SOX5: variants seen among roughly 807,000 people sequenced by gnomAD.
SOX5 encodes SRY-box transcription factor 5.
A neutral mutation model predicts 92.0 loss-of-function variants in SOX5; 9 were observed. The observed-to-expected ratio is 0.10, with a 90% CI of 0.06 to 0.17. SOX5 has a LOEUF of 0.17. Among genes scored for constraint, SOX5 ranks in the 10% least tolerant of loss-of-function variants. The pLI, the probability that SOX5 is intolerant of heterozygous loss-of-function variation, is 1.00. For missense variants in SOX5, 642 were observed against 944.5 expected (o/e 0.68, Z 4.20); for synonymous variants, 344 against 336.3 (o/e 1.02, Z -0.25).
chr12:23,822,091 T>G (rs893651049), intron 3 of SOX5, among the ~76,000 whole-genome samples: 19 of 152,150 alleles, frequency 1.2e-4, no homozygotes, highest in African/African-American at 4.6e-4. Context: ...GATTCATTGA[T>G]TTTTTGAAGG....
chr12:24,376,689 C>CTTTTTTTTTTTTTTTTTTTTTTTTTTT lies in SOX5; in HGVS notation c.-250-8051_-250-8050insAAAAAAAAAAAAAAAAAAAAAAAAAAA, dbSNP rs1480014070. Reference sequence around the variant, plus strand: ...TCAGAATGATGCTATGGGAGAGATACCTTTTTTTTTTTTTTTTTTTTTTTT... The same window carrying CTTTTTTTTTTTTTTTTTTTTTTTTTTT: ...TCAGAATGATGCTATGGGAGAGATACTTTTTTTTTTTTTTTTTTTTTTTTTTTCTTTTTTTTTTTTTTTTTTTTTTTT... On this transcript the variant is annotated intron_variant, in intron 1 of 4. Transcript: ENST00000446891. Among the ~76,000 whole-genome samples the CTTTTTTTTTTTTTTTTTTTTTTTTTTT allele has an allele frequency of 3.2e-5, 3 of 93,084 alleles. 1 individual carries two copies. The highest frequency in any genetic ancestry group is 4.2e-5 in the Non-Finnish European group (2 of 48,070). The allele number at this position is 93,084 out of a possible 152,430, so 61.1% of individuals were successfully genotyped here. A position where few individuals can be genotyped will look rare whatever the true frequency, so the allele number is the denominator to read the frequency against.
chr12:24,000,332 G>T (rs1346542451), intron 4 of SOX5, among the ~76,000 whole-genome samples: 1 of 151,654 alleles, frequency 6.6e-6, no homozygotes, highest in East Asian at 1.9e-4. Context: ...GTTTTAACAG[G>T]TATAAGATTG....
At chr12:23,678,540 T>G (rs529560303) in intron 6 of SOX5, among the ~76,000 whole-genome samples, 1 of 152,276 alleles carries the variant, frequency 6.6e-6, no homozygotes, top group South Asian at 2.1e-4. Context: ...ACGGACAACA[T>G]GAATTCTTTC....
At chr12:24,349,557 C>A (rs1466138747) in intron 2 of SOX5, among the ~76,000 whole-genome samples, 1 of 152,166 alleles carries the variant, frequency 6.6e-6, no homozygotes, top group East Asian at 1.9e-4. Flanking sequence ...ACTAGCTTAT[C>A]TGACTTAGCA....
In SOX5 at chr12:23,634,561, C is replaced by T. The variant is rs191637558; in HGVS notation, c.1017+6251G>A. On this transcript the variant is annotated intron_variant, in intron 8 of 14. Transcript: ENST00000451604. Reference sequence around the variant, plus strand: ...GGGCCAGAAAACAGCCTAATGTATCCGGAATAGACTGAGTAGGTGATGTGG... The same window carrying T: ...GGGCCAGAAAACAGCCTAATGTATCTGGAATAGACTGAGTAGGTGATGTGG... Among the ~76,000 whole-genome samples the T allele has an allele frequency of 3.0e-4, 46 of 152,062 alleles. No individual in the cohort carries two copies. The East Asian group carries it at 5.4e-3, about 18-fold the overall frequency.
intron 3 of SOX5, among the ~76,000 whole-genome samples, chr12:24,270,474 CA>C (rs1463629912): frequency 6.6e-6 from 1 of 152,088 alleles, no homozygotes; most frequent in Admixed American, 6.5e-5. Context: ...TAAAACACCA[CA>C]AAAAAATTAA....
At chr12:24,469,492 C>G (rs991568268) in intron 1 of SOX5, among the ~76,000 whole-genome samples, 1 of 152,118 alleles carries the variant, frequency 6.6e-6, no homozygotes, top group African/African-American at 2.4e-5. Flanking sequence ...CCTTTTGTAT[C>G]TATGTTCTAT....
intron 1 of SOX5, among the ~76,000 whole-genome samples, chr12:24,524,546 TA>T (rs1214807371): frequency 1.3e-5 from 2 of 152,088 alleles, no homozygotes; most frequent in African/African-American, 4.8e-5. Context: ...GCTAAAAATT[TA>T]AATATACAGG....
intron 1 of SOX5, among the ~76,000 whole-genome samples, chr12:23,899,055 C>A (rs1188312718): frequency 6.6e-6 from 1 of 152,064 alleles, no homozygotes; most frequent in Non-Finnish European, 1.5e-5. Flanking sequence ...ACATTAGATT[C>A]TTAAATTTTT....
intron 2 of SOX5, among the ~76,000 whole-genome samples, chr12:24,307,790 A>AGGAG (rs1565874794): frequency 1.4e-5 from 2 of 143,302 alleles, no homozygotes; most frequent in Non-Finnish European, 3.1e-5. Context: ...GAAGGAAGGA[A>AGGAG]GGAGGGAGGG....
intron 8 of SOX5, among the ~76,000 whole-genome samples, chr12:23,610,791 G>A (rs897896926): frequency 2.6e-5 from 4 of 151,978 alleles, no homozygotes; most frequent in African/African-American, 4.8e-5. Flanking sequence ...TAACCTCATT[G>A]TAGTCATAAT....
intron 9 of SOX5, among the ~76,000 whole-genome samples, chr12:23,585,337 T>C (rs528674821): frequency 6.6e-6 from 1 of 152,286 alleles, no homozygotes; most frequent in South Asian, 2.1e-4. Context: ...CTCACTGCTT[T>C]CTACTCAGAG....
At chr12:24,297,407 G>A (rs1427843905) in intron 2 of SOX5, among the ~76,000 whole-genome samples, 1 of 152,028 alleles carries the variant, frequency 6.6e-6, no homozygotes, top group African/African-American at 2.4e-5. Context: ...CACACAGCAT[G>A]GGCTGAAAAG....
intron 3 of SOX5, among the ~76,000 whole-genome samples, chr12:23,832,765 GT>G (rs2096349223): frequency 6.7e-6 from 1 of 149,902 alleles, no homozygotes; most frequent in Non-Finnish European, 1.5e-5. Context: ...TTTTTACAAC[GT>G]AAATTACAAG....
chr12:23,935,146 C>T (rs368196776), intron 1 of SOX5, among the ~76,000 whole-genome samples: 1 of 151,182 alleles, frequency 6.6e-6, no homozygotes, highest in East Asian at 1.9e-4. Flanking sequence ...TTTCCATTCC[C>T]CAATGCCTCG....
chr12:23,734,805 G>T lies in SOX5; in HGVS notation c.742-53C>A, dbSNP rs2093525984. 2.8e-6 allele frequency: 4 copies of T among 1,416,962 alleles called. No homozygotes were observed. In the South Asian group the frequency reaches 3.5e-5, roughly 13 times the overall value. 87.8% of individuals were successfully genotyped at this position (1,416,962 alleles called of 1,614,324 possible). On this transcript the variant is annotated intron_variant, in intron 5 of 14. Coordinates refer to ENST00000451604, the MANE Select transcript of SOX5 (RefSeq NM_006940.6). ...TACAAGTATATTGTAGTCCCGGAGGGAAGTTACTAATGTTCTGTTTCTCAA... is the reference window on the plus strand; with the variant it reads ...TACAAGTATATTGTAGTCCCGGAGGTAAGTTACTAATGTTCTGTTTCTCAA...
intron 2 of SOX5, among the ~76,000 whole-genome samples, chr12:24,279,071 C>T (rs536558894): frequency 6.6e-6 from 1 of 152,016 alleles, no homozygotes; most frequent in Non-Finnish European, 1.5e-5. Flanking sequence ...TATTATAGAA[C>T]ATGAAAAACT....
At chr12:23,616,695 T>C (rs1253900882) in intron 8 of SOX5, among the ~76,000 whole-genome samples, 2 of 152,220 alleles carry the variant, frequency 1.3e-5, no homozygotes, top group African/African-American at 4.8e-5. Context: ...ACAGCTGTTA[T>C]GTCAGTGGAG....
In SOX5 at chr12:23,800,756, G is replaced by A. The variant is rs548801561; in HGVS notation, c.482-45032C>T. 2.6e-4 allele frequency among the ~76,000 whole-genome samples: 40 copies of A among 152,180 alleles called. No homozygotes were observed. In the South Asian group the frequency reaches 6.0e-3, roughly 23 times the overall value. Reference sequence around the variant, plus strand: ...CTATGTTTACAATAGTAACAGGTCCGAAAGAAGGTATATCATGAAATAAAC... The same window carrying A: ...CTATGTTTACAATAGTAACAGGTCCAAAAGAAGGTATATCATGAAATAAAC... On this transcript the variant is annotated intron_variant, in intron 3 of 14. Coordinates refer to ENST00000451604, the MANE Select transcript of SOX5 (RefSeq NM_006940.6).
Sources: allele counts gnomAD v4.1 joint callset (sites outside exome capture counted in the v4.1 genomes callset), GRCh38; gene constraint gnomAD v4.1.1; transcripts MANE v1.5; gene names NCBI Gene and HGNC (gene_info 2026-07-23, HGNC 2026-07-21).